The following CHCHD3 variants were observed in gnomAD, a reference collection of about 807,000 sequenced individuals.
CHCHD3 encodes MICOS complex subunit MIC19.
Under a neutral mutation model 38.2 loss-of-function variants are expected in CHCHD3, and 20 were observed. That is an observed-to-expected ratio of 0.52 (90% CI 0.37 to 0.76). The LOEUF is 0.76. CHCHD3 is among the 30% of genes least tolerant of loss of function. The probability of loss-of-function intolerance (pLI) is 0.00; values close to 1 mark genes in which losing one functional copy is unlikely to be tolerated. For synonymous variants in CHCHD3, 82 were observed against 100.0 expected, an observed-to-expected ratio of 0.82 and a Z score of 1.07; for missense variants, 245 against 279.2, an observed-to-expected ratio of 0.88 and a Z score of 0.87.
Position 133,035,254 on chromosome 7 carries a change from C to T in CHCHD3, c.170-10627G>A. 3 of 1,613,716 alleles carry T rather than the reference C, an allele frequency of 1.9e-6. No individual in the cohort carries two copies. Among genetic ancestry groups the T allele is most frequent in the Non-Finnish European group, 2.5e-6 (3 of 1,179,694 alleles). ...GGTGTGTCCTTTTTAGGCTGGGTCTCTGCAAACTTTTTAGCATCAAACTGG... is the reference window on the plus strand; with the variant it reads ...GGTGTGTCCTTTTTAGGCTGGGTCTTTGCAAACTTTTTAGCATCAAACTGG... On this transcript the variant is annotated intron_variant, in intron 2 of 7. Transcript: ENST00000262570. The surrounding 1 kb of genome is among the most constrained non-coding windows in gnomAD (Gnocchi z 4.7).
Position 132,895,439 on chromosome 7 carries a change from G to A in CHCHD3, c.370-9694C>T, listed in dbSNP as rs141325700. ...CAAGCAAAATGTCTCCAGACATTGC[G>A]AAATGTTGCCTAGGAGGCAAAATCG... On this transcript the variant is annotated intron_variant, in intron 4 of 7. Transcript: ENST00000262570. 6.6e-3 allele frequency among the ~76,000 whole-genome samples: 1,008 copies of A among 152,362 alleles called. 11 individuals carry two copies. Among genetic ancestry groups the A allele is most frequent in the African/African-American group, 0.022 (932 of 41,588 alleles).
At chr7:133,075,865 C>A (rs1032660126) in intron 1 of CHCHD3, among the ~76,000 whole-genome samples, 1 of 152,036 alleles carries the variant, frequency 6.6e-6, no homozygotes, top group African/African-American at 2.4e-5. Context: ...CAAGGCCATC[C>A]TGGCTAACAC....
At chr7:132,967,412 T>G (rs1387849233) in intron 4 of CHCHD3, among the ~76,000 whole-genome samples, 1 of 152,016 alleles carries the variant, frequency 6.6e-6, no homozygotes, top group East Asian at 1.9e-4. Context: ...ACCAGAACAC[T>G]CCACTGCTCT....
In CHCHD3 at chr7:132,806,829, T is replaced by G. The variant is rs79972799; in HGVS notation, c.525-10252A>C. ...AACCAGTAAAAATGTGCTTAAAAGTTAGGATGTCAGGGAAGGTAGTGTGAA... is the reference window on the plus strand; with the variant it reads ...AACCAGTAAAAATGTGCTTAAAAGTGAGGATGTCAGGGAAGGTAGTGTGAA... On this transcript the variant is annotated intron_variant, in intron 6 of 7. Coordinates refer to ENST00000262570, the MANE Select transcript of CHCHD3 (RefSeq NM_017812.4). 6.6e-4 allele frequency among the ~76,000 whole-genome samples: 100 copies of G among 152,160 alleles called. No individual in the cohort carries two copies. The East Asian group carries it at 0.019, about 29-fold the overall frequency.
At chr7:132,854,933 TG>T (rs1808311020) in intron 5 of CHCHD3, among the ~76,000 whole-genome samples, 1 of 152,200 alleles carries the variant, frequency 6.6e-6, no homozygotes, top group Non-Finnish European at 1.5e-5. Context: ...GGTTGAGTCT[TG>T]GACTGTCCAA....
At chr7:132,889,927 CAA>C (rs1237508054) in intron 4 of CHCHD3, among the ~76,000 whole-genome samples, 8 of 152,100 alleles carry the variant, frequency 5.3e-5, no homozygotes, top group African/African-American at 1.7e-4. Flanking sequence ...CAAATAAAAA[CAA>C]AGAGGACTAC....
intron 4 of CHCHD3, among the ~76,000 whole-genome samples, chr7:132,945,103 G>A (rs1222946893): frequency 1.3e-5 from 2 of 151,584 alleles, no homozygotes; most frequent in South Asian, 2.1e-4. Flanking sequence ...CTTGTCTAAC[G>A]GCATTGGTTA....
In CHCHD3 at chr7:132,983,184, A is replaced by G. The variant is rs1440436097; in HGVS notation, c.252-7898T>C. On this transcript the variant is annotated intron_variant, in intron 3 of 7. Coordinates refer to ENST00000262570, the MANE Select transcript of CHCHD3 (RefSeq NM_017812.4). The stretch of plus-strand genomic sequence containing the variant: ...TAAAAATACAAAAAATTAGCCAGGC[A>G]TGGTGGTAGCACCTGTAATCCCAGC... Among the ~76,000 whole-genome samples, 77 of 151,616 alleles carry G rather than the reference A, an allele frequency of 5.1e-4. No homozygotes were observed. In the South Asian group the frequency reaches 7.6e-3, roughly 15 times the overall value.
chr7:132,967,132 C>T (rs1258078140), intron 4 of CHCHD3, among the ~76,000 whole-genome samples: 2 of 152,180 alleles, frequency 1.3e-5, no homozygotes, highest in Non-Finnish European at 2.9e-5. Context: ...AAGAACTGCC[C>T]TGAACCAACT....
At chr7:132,912,408 G>A (rs1809974552) in intron 4 of CHCHD3, among the ~76,000 whole-genome samples, 1 of 152,182 alleles carries the variant, frequency 6.6e-6, no homozygotes, top group South Asian at 2.1e-4. Flanking sequence ...AATGATGCTG[G>A]CAGTGAAGTA....
At chr7:132,961,817 T>C (rs1393378923) in intron 4 of CHCHD3, among the ~76,000 whole-genome samples, 1 of 152,216 alleles carries the variant, frequency 6.6e-6, no homozygotes, top group Non-Finnish European at 1.5e-5. Context: ...CAACCACCTT[T>C]CTATTCTTTG....
chr7:132,871,580 C>T (rs1808768048), intron 5 of CHCHD3, among the ~76,000 whole-genome samples: 1 of 152,220 alleles, frequency 6.6e-6, no homozygotes, highest in Non-Finnish European at 1.5e-5. Flanking sequence ...GACAACCCCT[C>T]AGTCAGTGCT....
At chr7:132,988,756 AAAAAT>A (rs1414527891) in intron 3 of CHCHD3, among the ~76,000 whole-genome samples, 1 of 151,956 alleles carries the variant, frequency 6.6e-6, no homozygotes, top group African/African-American at 2.4e-5. Context: ...TCTAACAAAA[AAAAAT>A]TTTTTTATCA....
At chr7:132,868,543 A>AT (rs1347094473) in intron 5 of CHCHD3, among the ~76,000 whole-genome samples, 1 of 152,114 alleles carries the variant, frequency 6.6e-6, no homozygotes, top group African/African-American at 2.4e-5. Context: ...GGCTTTGGTG[A>AT]TTTTGCTCTT....
chr7:132,910,290 A>G (rs958719505), intron 4 of CHCHD3, among the ~76,000 whole-genome samples: 5 of 152,188 alleles, frequency 3.3e-5, no homozygotes, highest in Non-Finnish European at 7.3e-5. Context: ...AGTCCAGCAT[A>G]GTGCCTGCAA....
rs191909563 is a variant in CHCHD3, at chr7:133,046,709, C to T, written c.170-22082G>A. 1.1e-3 allele frequency among the ~76,000 whole-genome samples: 160 copies of T among 152,172 alleles called. 2 individuals are homozygous for T. The highest frequency in any genetic ancestry group is 3.5e-3 in the African/African-American group (145 of 41,512). On this transcript the variant is annotated intron_variant, in intron 2 of 7. Transcript: ENST00000262570. ...TCCCGAGTAGCTGGGACTACAGGCG[C>T]CCGCCACCACACCCGGCTAATTTTT...
At chr7:132,791,981 A>C (rs1400513614) in intron 7 of CHCHD3, among the ~76,000 whole-genome samples, 2 of 152,106 alleles carry the variant, frequency 1.3e-5, no homozygotes, top group African/African-American at 4.8e-5. Flanking sequence ...TGTGAGCTGA[A>C]CTAACTGTTT....
chr7:133,035,216 C>G lies in CHCHD3; in HGVS notation c.170-10589G>C. The G allele has an allele frequency of 6.2e-7, 1 of 1,613,772 alleles. No homozygotes were observed. Among genetic ancestry groups the G allele is most frequent in the South Asian group, 1.1e-5 (1 of 91,064 alleles). The stretch of plus-strand genomic sequence containing the variant: ...GCTTCTGCTTCTCTTCCCGTGAACC[C>G]TTCTCTTTCCGTGGTGTGTCCTTTT... On this transcript the variant is annotated intron_variant, in intron 2 of 7. Coordinates refer to ENST00000262570, the MANE Select transcript of CHCHD3 (RefSeq NM_017812.4). This position sits in a 1 kb window ranked among gnomAD's most constrained non-coding sequence, Gnocchi z 4.7.
At chr7:132,828,664 T>C (rs1249393913) in intron 6 of CHCHD3, among the ~76,000 whole-genome samples, 1 of 152,200 alleles carries the variant, frequency 6.6e-6, no homozygotes, top group Non-Finnish European at 1.5e-5. Context: ...AATTTTAGTA[T>C]GTGGTTTTAC....
Sources: allele counts gnomAD v4.1 joint callset (sites outside exome capture counted in the v4.1 genomes callset), GRCh38; gene constraint gnomAD v4.1.1; non-coding constraint Gnocchi (gnomAD v3.1); transcripts MANE v1.5; gene names NCBI Gene and HGNC (gene_info 2026-07-23, HGNC 2026-07-21).